Variants in RESF1 observed in about 807,000 individuals in gnomAD.
RESF1 encodes the protein retroelement silencing factor 1, also known as gonad expressed transcript.
In RESF1, 65 loss-of-function variants were observed where a neutral mutation model predicts 134.7. The observed-to-expected ratio is 0.48, with a 90% CI of 0.40 to 0.59. The LOEUF is 0.59. Ranked by LOEUF, RESF1 falls within the 20% of genes least tolerant of loss-of-function variation. The pLI is 0.00. For missense variants in RESF1, 2,274 were observed against 2,002.7 expected, an observed-to-expected ratio of 1.14 and a Z score of -2.59; for synonymous variants, 762 against 702.2, an observed-to-expected ratio of 1.09 and a Z score of -1.35.
chr12:31,965,936 C>T (rs947538564), intron 2 of RESF1, among the ~76,000 whole-genome samples: 5 of 151,260 alleles, frequency 3.3e-5, no homozygotes, highest in East Asian at 1.9e-4. Context: ...CAGTTTTTAC[C>T]TCAACACAGT....
chr12:31,974,944 A>G (rs1939597420), intron 3 of RESF1, among the ~76,000 whole-genome samples: 1 of 146,412 alleles, frequency 6.8e-6, no homozygotes, highest in South Asian at 2.1e-4. Context: ...TTTTTTTTTA[A>G]CGGATAGACT....
chr12:31,980,199 C>A (rs1468997149), intron 3 of RESF1, among the ~76,000 whole-genome samples: 1 of 150,138 alleles, frequency 6.7e-6, no homozygotes, highest in East Asian at 2.0e-4. Flanking sequence ...GTATCCTCCA[C>A]CTCCCAGGTT....
intron 3 of RESF1, among the ~76,000 whole-genome samples, chr12:31,974,025 C>G (rs1592254875): frequency 6.6e-6 from 1 of 152,128 alleles, no homozygotes; most frequent in East Asian, 1.9e-4. Flanking sequence ...AAGACTCCCT[C>G]CGTGGATTTG....
intron 3 of RESF1, among the ~76,000 whole-genome samples, chr12:31,978,577 C>T (rs1310167487): frequency 4.6e-5 from 7 of 151,508 alleles, no homozygotes; most frequent in African/African-American, 1.7e-4. Context: ...GACGGGCTCT[C>T]GCTCTGTCGC....
rs765237010 is a variant in RESF1, at chr12:31,984,082, A to C, written c.3127A>C (p.Ser1043Arg). Residue 1043 changes from serine to arginine, a missense_variant, in exon 4 of 6, where the codon AGT (serine) becomes CGT (arginine). By Grantham distance (110) the Ser-to-Arg change is moderately radical. Transcript: ENST00000312561. ...AGATCCTGCAAGAAATGAAATCCAC[A>C]GTGATAAGGCACCTGTCTTATACCT... ...PQDPARNEIH[S>R]DKAPVLYLHD... is the part of the protein sequence containing the mutation. 3 of 1,614,008 alleles carry C rather than the reference A, an allele frequency of 1.9e-6. No individual in the cohort carries two copies. The highest frequency in any genetic ancestry group is 2.7e-5 in the African/African-American group (2 of 74,912).
Position 31,985,338 on chromosome 12 carries a change from T to C in RESF1, c.4383T>C (p.Asn1461=). 2 of 1,611,130 alleles carry C rather than the reference T, an allele frequency of 1.2e-6. No homozygotes were observed. Residue 1461 remains asparagine (N), a synonymous_variant, in exon 4 of 6, where the codon AAT becomes AAC. Transcript: ENST00000312561. ...AGAAGCATAAAGAAGCTCTGAGTAA[T>C]AAAGCATCGAAGAAAATCTGTGTGA... ...QRQKHKEALS[N]KASKKICVKN... is the part of the protein sequence containing the mutation.
intron 4 of RESF1, 185 bp from the exon 5 acceptor site, chr12:31,987,051 ATTT>A: frequency 2.1e-6 from 1 of 471,824 alleles, no homozygotes; most frequent in Non-Finnish European, 3.8e-6. Flanking sequence ...AGATAAACTC[ATTT>A]TTTAATTGAG....
Position 31,982,327 on chromosome 12 carries a change from A to G in RESF1, c.1372A>G (p.Thr458Ala), listed in dbSNP as rs974547689. The change falls in exon 4 of 6, where the codon ACT (threonine) becomes GCT (alanine). Residue 458 changes from threonine (T) to alanine (A), a missense_variant. Coordinates refer to ENST00000312561, the MANE Select transcript of RESF1 (RefSeq NM_018169.4). ...CAAAATCCAGTCTGGACCCCAGATA[A>G]CTCCAGTAATGCCAGAGAATGCAGA... ...TAKIQSGPQI[T>A]PVMPENAERQ... is the part of the protein sequence containing the mutation. The G allele has an allele frequency of 3.1e-6, 5 of 1,614,150 alleles. No individual in the cohort carries two copies. Among genetic ancestry groups the G allele is most frequent in the Non-Finnish European group, 1.7e-6 (2 of 1,180,030 alleles).
In RESF1 at chr12:31,982,684, A is replaced by C. The variant is rs763738150; in HGVS notation, c.1729A>C (p.Ile577Leu). 6.2e-7 allele frequency: 1 copy of C among 1,614,060 alleles called. No individual in the cohort carries two copies. The highest frequency in any genetic ancestry group is 8.5e-7 in the Non-Finnish European group (1 of 1,179,950). ...GTCCACTGAGGAATATAAATCAAAA[A>C]TTCAAAATGAAAATATGCTACTTCT... ...SMSTEEYKSK[I>L]QNENMLLLAL... The change falls in exon 4 of 6, where the codon ATT (isoleucine) becomes CTT (leucine). Residue 577 changes from isoleucine to leucine, a missense_variant. Physicochemically the swap from Ile to Leu is conservative, Grantham distance 5. Transcript: ENST00000312561.
chr12:31,984,908 C>T lies in RESF1; in HGVS notation c.3953C>T (p.Ser1318Phe). 5 of 1,611,612 alleles carry T rather than the reference C, an allele frequency of 3.1e-6. No homozygotes were observed. Among genetic ancestry groups the T allele is most frequent in the Non-Finnish European group, 4.2e-6 (5 of 1,179,454 alleles). Reference protein sequence around the residue: ...NKMTASYEQASQETRQKKHVT... With the variant: ...NKMTASYEQAFQETRQKKHVT... Reference sequence around the variant, plus strand: ...ATGACAGCATCTTATGAACAAGCTTCTCAGGAAACCCGACAGAAGAAACAT... The same window carrying T: ...ATGACAGCATCTTATGAACAAGCTTTTCAGGAAACCCGACAGAAGAAACAT... The change falls in exon 4 of 6, where the codon TCT becomes TTT. Residue 1318 changes from serine to phenylalanine, a missense_variant. Coordinates refer to ENST00000312561, the MANE Select transcript of RESF1 (RefSeq NM_018169.4).
rs775637671 is a variant in RESF1 at position 31,981,492 on chromosome 12, TTAC to T, written c.538_540del (p.Tyr180del). The T allele has an allele frequency of 3.1e-6, 5 of 1,614,094 alleles. No homozygotes were observed. The highest frequency in any genetic ancestry group is 3.4e-6 in the Non-Finnish European group (4 of 1,179,996). On this transcript the variant is annotated inframe_deletion, in exon 4 of 6. Coordinates refer to ENST00000312561, the MANE Select transcript of RESF1 (RefSeq NM_018169.4). ...CTAATTCTACACGACTTCCTGTAGC[TTAC>T]CAAGGAAATCAGGGACTTAACCAGT...
chr12:31,983,445 G>T lies in RESF1; in HGVS notation c.2490G>T (p.Lys830Asn). The T allele has an allele frequency of 1.9e-6, 3 of 1,614,050 alleles. No homozygotes were observed. The highest frequency in any genetic ancestry group is 2.5e-6 in the Non-Finnish European group (3 of 1,179,988). The change falls in exon 4 of 6, where the codon AAG becomes AAT. Residue 830 changes from lysine (K) to asparagine (N), a missense_variant. Lys to Asn is a moderately conservative substitution (Grantham distance 94). Transcript: ENST00000312561. ...GPVASTATST[K>N]IFPLTQKEKQ... ...TAGCAAGTACAGCAACATCAACCAA[G>T]ATTTTTCCACTAACTCAGAAGGAAA...
chr12:31,981,794 C>G lies in RESF1; in HGVS notation c.839C>G (p.Pro280Arg), dbSNP rs773904349. The G allele has an allele frequency of 1.2e-6, 2 of 1,613,912 alleles. No individual in the cohort carries two copies. Among genetic ancestry groups the G allele is most frequent in the Non-Finnish European group, 1.7e-6 (2 of 1,180,048 alleles). ...ATQTDKRPPP[P>R]PYNCRYGSQP... ...CAAACTGACAAAAGACCTCCTCCTC[C>G]TCCTTACAACTGTAGATATGGAAGC... Residue 280 changes from proline (P) to arginine (R), a missense_variant, in exon 4 of 6, where the codon CCT becomes CGT. Physicochemically the swap from Pro to Arg is moderately radical, Grantham distance 103 (BLOSUM62 -2). Coordinates refer to ENST00000312561, the MANE Select transcript of RESF1 (RefSeq NM_018169.4).
chr12:31,985,889 A>G lies in RESF1; in HGVS notation c.4934A>G (p.Asn1645Ser), dbSNP rs1427325100. The G allele has an allele frequency of 3.9e-6, 6 of 1,530,144 alleles. No individual in the cohort carries two copies. Among genetic ancestry groups the G allele is most frequent in the East Asian group, 4.6e-5 (2 of 43,572 alleles). The allele number at this position is 1,530,144 out of a possible 1,614,324, so 94.8% of individuals were successfully genotyped here. The change falls in exon 4 of 6, where the codon AAT (asparagine) becomes AGT (serine). Residue 1645 changes from asparagine (N) to serine (S), a missense_variant. Coordinates refer to ENST00000312561, the MANE Select transcript of RESF1 (RefSeq NM_018169.4). ...TTATGTCCAGATATCTTACTAAAGA[A>G]TACAAACTCTGTGGAAGAACGGAAG... ...FKLCPDILLK[N>S]TNSVEERKDV... is the part of the protein sequence containing the mutation.
chr12:31,984,719 G>C lies in RESF1; in HGVS notation c.3764G>C (p.Ser1255Thr), dbSNP rs1354348968. 2 of 1,603,830 alleles carry C rather than the reference G, an allele frequency of 1.2e-6. No homozygotes were observed. The highest frequency in any genetic ancestry group is 1.7e-6 in the Non-Finnish European group (2 of 1,177,688). The stretch of plus-strand genomic sequence containing the variant: ...CATTTTCCTGAACTACAAGACGACA[G>C]TAGAAAAGATACACCCAAAACAAAA... ...KSHFPELQDD[S>T]RKDTPKTKHK... Residue 1255 changes from serine (S) to threonine (T), a missense_variant, in exon 4 of 6, where the codon AGT becomes ACT. By Grantham distance (58) the Ser-to-Thr change is moderately conservative. Transcript: ENST00000312561.
At position 31,985,101 on chromosome 12, in the gene RESF1, A is replaced by G; in HGVS notation, c.4146A>G (p.Val1382=). The G allele has an allele frequency of 1.9e-6, 3 of 1,559,100 alleles. No individual in the cohort carries two copies. The Middle Eastern group carries it at 5.2e-4, about 270-fold the overall frequency. The change falls in exon 4 of 6, where the codon GTA becomes GTG. Residue 1382 remains valine, a synonymous_variant. Coordinates refer to ENST00000312561, the MANE Select transcript of RESF1 (RefSeq NM_018169.4). Reference sequence around the variant, plus strand: ...AACGAAAGTTAGACCAAGGGAACGTATTAGATATGGAAGTAAAGAAAAAGA... The same window carrying G: ...AACGAAAGTTAGACCAAGGGAACGTGTTAGATATGGAAGTAAAGAAAAAGA... ...KQKRKLDQGN[V]LDMEVKKKKH...
At chr12:31,976,456 G>T (rs1336722825) in intron 3 of RESF1, among the ~76,000 whole-genome samples, 1 of 152,140 alleles carries the variant, frequency 6.6e-6, no homozygotes, top group African/African-American at 2.4e-5. Context: ...GGGATTGGGT[G>T]CGGCGGATCA....
intron 1 of RESF1, 58 bp from the exon 2 acceptor site, chr12:31,960,719 T>C (rs1939241902): frequency 6.6e-6 from 1 of 152,206 alleles, no homozygotes; most frequent in Admixed American, 6.5e-5. Flanking sequence ...CAGTGTCATA[T>C]CTAGTAAACA....
Position 31,982,121 on chromosome 12 carries a change from C to G in RESF1, c.1166C>G (p.Ala389Gly), listed in dbSNP as rs748886668. The change falls in exon 4 of 6, where the codon GCA (alanine) becomes GGA (glycine). Residue 389 changes from alanine to glycine, a missense_variant. Physicochemically the swap from Ala to Gly is moderately conservative, Grantham distance 60 (BLOSUM62 0). Coordinates refer to ENST00000312561, the MANE Select transcript of RESF1 (RefSeq NM_018169.4). ...AATCAAGTACTGGACACAAGTGTTG[C>G]AAAAGAAAAGCTAGTAAGGGATATT... ...TSNQVLDTSV[A>G]KEKLVRDIKT... is the part of the protein sequence containing the mutation. 6.2e-7 allele frequency: 1 copy of G among 1,613,798 alleles called. No homozygotes were observed. Among genetic ancestry groups the G allele is most frequent in the Non-Finnish European group, 8.5e-7 (1 of 1,179,952 alleles).
Sources: gnomAD v4.1 joint callset for allele counts (sites outside exome capture counted in the v4.1 genomes callset) on GRCh38, gnomAD v4.1.1 for gene constraint, MANE v1.5 for transcripts, NCBI Gene and HGNC (gene_info 2026-07-23, HGNC 2026-07-21) for gene names.